The following ACCSL variants were observed in gnomAD, a reference collection of about 807,000 sequenced individuals.
ACCSL encodes the protein 1-aminocyclopropane-1-carboxylate synthase homolog (inactive) like.
In ACCSL, 55 loss-of-function variants were observed where a neutral mutation model predicts 61.7. The observed-to-expected ratio is 0.89, with a 90% CI of 0.72 to 1.12. The LOEUF (loss-of-function observed/expected upper bound fraction) is 1.12, where lower values mean the gene tolerates loss of function less well. ACCSL is among the 50% of genes most tolerant of loss of function. The probability of loss-of-function intolerance (pLI) is 0.00; values close to 1 mark genes in which losing one functional copy is unlikely to be tolerated. For synonymous variants in ACCSL, 258 were observed against 264.3 expected (o/e 0.98, Z 0.23); for missense variants, 632 against 698.0 (o/e 0.91, Z 1.07).
the ACCSL span, among the ~76,000 whole-genome samples, chr11:43,949,831 C>CA: frequency 0.018 from 2,705 of 151,012 alleles, 87 homozygotes; most frequent in African/African-American, 0.063. Context: ...AACAAACAAA[C>CA]AACAACAACA....
chr11:44,059,857 T>C lies in ACCSL; in HGVS notation c.1644T>C (p.Asp548=). The change falls in exon 14 of 14, where the codon GAT becomes GAC. Residue 548 remains aspartate, a synonymous_variant. Transcript: ENST00000378832. ...CTCTAGCTATGCGTCGGTTCTGTGA[T>C]GTGCTGCAGGAGCAGAAGGAGGCTT... ...RLKLAMRRFC[D]VLQEQKEALI... The C allele has an allele frequency of 6.2e-7, 1 of 1,613,822 alleles. No homozygotes were observed. The highest frequency in any genetic ancestry group is 8.5e-7 in the Non-Finnish European group (1 of 1,179,796).
chr11:44,001,236 C>T, the ACCSL span: 1 of 151,840 alleles, frequency 6.6e-6, no homozygotes, highest in Non-Finnish European at 1.5e-5. Flanking sequence ...ACAATTTTTA[C>T]CAGCGGAAAA....
chr11:43,964,082 C>A, the ACCSL span, among the ~76,000 whole-genome samples: 2 of 147,522 alleles, frequency 1.4e-5, no homozygotes, highest in South Asian at 2.1e-4. Context: ...AAAAAAAAAA[C>A]AATTAATTAT....
the ACCSL span, among the ~76,000 whole-genome samples, chr11:43,984,138 G>T: frequency 6.6e-6 from 1 of 151,934 alleles, no homozygotes; most frequent in Non-Finnish European, 1.5e-5. Context: ...AAACTGCCTT[G>T]CAAAGACGCT....
chr11:44,043,534 C>T (rs1191606041), upstream of ACCSL, among the ~76,000 whole-genome samples: 2 of 152,094 alleles, frequency 1.3e-5, no homozygotes. Flanking sequence ...TTTGTAGTTT[C>T]ACTATATAGT....
At chr11:44,026,687 G>A in the ACCSL span, among the ~76,000 whole-genome samples, 1 of 151,902 alleles carries the variant, frequency 6.6e-6, no homozygotes, top group Admixed American at 6.6e-5. Flanking sequence ...CCTTCACTAG[G>A]GTTTGTTATT....
the ACCSL span, among the ~76,000 whole-genome samples, chr11:43,999,749 A>T: frequency 6.6e-6 from 1 of 152,274 alleles, no homozygotes; most frequent in South Asian, 2.1e-4. Context: ...GGCCAAGGTA[A>T]GGTTGGCAGC....
At chr11:44,024,431 C>T in the ACCSL span, among the ~76,000 whole-genome samples, 1 of 54,100 alleles carries the variant, frequency 1.8e-5, no homozygotes, top group Admixed American at 2.3e-4. Flanking sequence ...CTCTTTCTCT[C>T]TCTCTCTCTC....
the ACCSL span, among the ~76,000 whole-genome samples, chr11:43,955,482 C>T: frequency 2.6e-5 from 4 of 152,106 alleles, no homozygotes; most frequent in Non-Finnish European, 5.9e-5. Flanking sequence ...TGATATGAGG[C>T]TGGCCACACC....
chr11:43,962,069 G>A, the ACCSL span, among the ~76,000 whole-genome samples: 1 of 151,958 alleles, frequency 6.6e-6, no homozygotes, highest in Admixed American at 6.6e-5. Flanking sequence ...CCAGAACATG[G>A]ACACCTTCCA....
chr11:44,056,154 C>T lies in ACCSL; in HGVS notation c.1186-31C>T, dbSNP rs767721946. ...CCAGGAATAGAAGGCAGACAAAACA[C>T]TTGTTCCTGTTCCTGCTTTTCTTCC... On this transcript the variant is annotated intron_variant, in intron 10 of 13. Transcript: ENST00000378832. 4 of 1,614,090 alleles carry T rather than the reference C, an allele frequency of 2.5e-6. No individual in the cohort carries two copies. In the Admixed American group the frequency reaches 6.7e-5, roughly 27 times the overall value.
chr11:43,943,304 T>G, the ACCSL span: 52 of 1,440,008 alleles, frequency 3.6e-5, no homozygotes, highest in East Asian at 6.0e-5. This position sits in a 1 kb window ranked among gnomAD's most constrained non-coding sequence, Gnocchi z 4.8. Flanking sequence ...GACGCGCGCG[T>G]CCGCGGTCCG....
At chr11:43,950,599 T>C in the ACCSL span, among the ~76,000 whole-genome samples, 7 of 152,296 alleles carry the variant, frequency 4.6e-5, no homozygotes, top group East Asian at 1.4e-3. Flanking sequence ...AGATAGTGGG[T>C]GTACCAGTCC....
At chr11:43,921,472 A>C in the ACCSL span, among the ~76,000 whole-genome samples, 1 of 152,256 alleles carries the variant, frequency 6.6e-6, no homozygotes, top group African/African-American at 2.4e-5. Flanking sequence ...GGGAGGTTCA[A>C]ATCACCATAG....
chr11:43,936,080 C>G, the ACCSL span, among the ~76,000 whole-genome samples: 1 of 152,184 alleles, frequency 6.6e-6, no homozygotes, highest in African/African-American at 2.4e-5. Flanking sequence ...GGCTGTCAGG[C>G]CTTTGGAGGA....
chr11:44,059,745 C>T, intron 13 of ACCSL, 93 bp from the exon 14 acceptor site: 1 of 1,011,738 alleles, frequency 9.9e-7, no homozygotes, highest in Non-Finnish European at 1.5e-6. Flanking sequence ...GAATGAGAGG[C>T]TTTTATGGTT....
At chr11:43,954,222 G>A in the ACCSL span, among the ~76,000 whole-genome samples, 2 of 152,158 alleles carry the variant, frequency 1.3e-5, no homozygotes, top group Non-Finnish European at 1.5e-5. Context: ...GTATCATACC[G>A]AAGCGGCCTC....
At chr11:44,030,278 C>T in the ACCSL span, among the ~76,000 whole-genome samples, 1 of 151,262 alleles carries the variant, frequency 6.6e-6, no homozygotes, top group African/African-American at 2.4e-5. Context: ...CCATTTCTTT[C>T]TCCCCTTCAC....
the ACCSL span, among the ~76,000 whole-genome samples, chr11:43,973,439 TATCTATC>T: frequency 6.6e-6 from 1 of 151,948 alleles, no homozygotes; most frequent in African/African-American, 2.4e-5. Flanking sequence ...TCTATCTATC[TATCTATC>T]TATCTATCTA....
Sources: gnomAD v4.1 joint callset for allele counts (sites outside exome capture counted in the v4.1 genomes callset) on GRCh38, gnomAD v4.1.1 for gene constraint, Gnocchi (gnomAD v3.1) non-coding constraint, MANE v1.5 for transcripts, NCBI Gene and HGNC (gene_info 2026-07-23, HGNC 2026-07-21) for gene names.